Variants in TRHDE observed in about 807,000 individuals in gnomAD.
The protein encoded by TRHDE is thyrotropin releasing hormone degrading enzyme.
In TRHDE, 72 loss-of-function variants were observed where a neutral mutation model predicts 125.7. The ratio of observed to expected loss-of-function variants is 0.57; its 90% confidence interval spans 0.47 to 0.70. The LOEUF (loss-of-function observed/expected upper bound fraction) is 0.70. Among genes scored for constraint, TRHDE ranks in the 30% least tolerant of loss-of-function variants. The pLI, the probability that TRHDE is intolerant of heterozygous loss-of-function variation, is 0.00. For missense variants in TRHDE, 1,110 were observed against 1,327.1 expected, an observed-to-expected ratio of 0.84 and a Z score of 2.54; for synonymous variants, 509 against 509.1, an observed-to-expected ratio of 1.00 and a Z score of 0.00.
chr12:72,229,383 A>G (rs999261467), intron 2 of TRHDE, among the ~76,000 whole-genome samples: 1 of 152,160 alleles, frequency 6.6e-6, no homozygotes, highest in Non-Finnish European at 1.5e-5. Context: ...CACGAGAACA[A>G]CATGGGAAAG....
intron 2 of TRHDE, among the ~76,000 whole-genome samples, chr12:72,155,273 G>C (rs1027119437): frequency 6.6e-6 from 1 of 152,042 alleles, no homozygotes; most frequent in African/African-American, 2.4e-5. Flanking sequence ...CTCTGCATTG[G>C]TTATTCTAGT....
intron 2 of TRHDE, among the ~76,000 whole-genome samples, chr12:72,287,505 C>T (rs1349203997): frequency 6.6e-6 from 1 of 151,922 alleles, no homozygotes; most frequent in Non-Finnish European, 1.5e-5. Flanking sequence ...CCTTAGAGAT[C>T]AACACTGTCC....
chr12:72,642,599 GT>G (rs1287293038), intron 15 of TRHDE, among the ~76,000 whole-genome samples: 1 of 152,100 alleles, frequency 6.6e-6, no homozygotes, highest in Non-Finnish European at 1.5e-5. Flanking sequence ...CTAACTCATT[GT>G]TCATGTTTAT....
intron 9 of TRHDE, among the ~76,000 whole-genome samples, chr12:72,564,001 T>G (rs1239574705): frequency 2.0e-5 from 3 of 152,182 alleles, no homozygotes; most frequent in African/African-American, 7.2e-5. Flanking sequence ...AGAATGGAAA[T>G]TGTTCTCCTG....
intron 5 of TRHDE, among the ~76,000 whole-genome samples, chr12:72,493,985 T>C (rs1877796909): frequency 6.6e-6 from 1 of 152,110 alleles, no homozygotes; most frequent in Non-Finnish European, 1.5e-5. Context: ...CTTTGTTCTG[T>C]CCTACTTCTA....
At chr12:72,531,498 T>A (rs747926955) in intron 6 of TRHDE, among the ~76,000 whole-genome samples, 6 of 152,102 alleles carry the variant, frequency 3.9e-5, no homozygotes, top group Non-Finnish European at 8.8e-5. Context: ...TTATACTTCA[T>A]ACTTTTTGTT....
At chr12:72,116,104 T>A (rs1385830896) in intron 2 of TRHDE, among the ~76,000 whole-genome samples, 1 of 152,128 alleles carries the variant, frequency 6.6e-6, no homozygotes, top group East Asian at 1.9e-4. Context: ...AGTGAGAACA[T>A]TTGGTGTTTG....
chr12:72,645,853 G>A (rs1874258959), intron 15 of TRHDE, among the ~76,000 whole-genome samples: 1 of 151,924 alleles, frequency 6.6e-6, no homozygotes, highest in Admixed American at 6.6e-5. Flanking sequence ...TGTCAACCAA[G>A]AAAACTATAC....
intron 2 of TRHDE, among the ~76,000 whole-genome samples, chr12:72,194,807 CTT>C (rs1877407654): frequency 1.3e-5 from 2 of 152,036 alleles, no homozygotes; most frequent in South Asian, 2.1e-4. Flanking sequence ...GACTCTATGT[CTT>C]TGCTATTGTG....
chr12:72,263,937 G>T (rs1879009215), intron 2 of TRHDE: 2 of 151,842 alleles, frequency 1.3e-5, no homozygotes, highest in South Asian at 4.2e-4. Flanking sequence ...CTCTTAATAG[G>T]GCAGGAGGAG....
intron 2 of TRHDE, among the ~76,000 whole-genome samples, chr12:72,289,987 C>T (rs936954589): frequency 4.6e-5 from 7 of 152,064 alleles, no homozygotes; most frequent in Admixed American, 6.5e-5. Context: ...TAGGACTGTG[C>T]GTAGGAAAAA....
chr12:72,201,351 A>G (rs1877555752), intron 2 of TRHDE, among the ~76,000 whole-genome samples: 1 of 152,184 alleles, frequency 6.6e-6, no homozygotes, highest in East Asian at 1.9e-4. Context: ...GAGAGATATC[A>G]AAAAAATAAA....
At chr12:72,615,506 G>A (rs147249245) in intron 12 of TRHDE, among the ~76,000 whole-genome samples, 9 of 152,158 alleles carry the variant, frequency 5.9e-5, no homozygotes, top group African/African-American at 1.9e-4. Context: ...CTAGGTAACC[G>A]ATACACCAAC....
chr12:72,384,833 C>T (rs1052654600), intron 3 of TRHDE, among the ~76,000 whole-genome samples: 7 of 151,956 alleles, frequency 4.6e-5, no homozygotes, highest in Non-Finnish European at 7.4e-5. Context: ...TGATAATTTA[C>T]TACTTGCAAA....
At chr12:72,418,553 T>C (rs1406938579) in intron 3 of TRHDE, among the ~76,000 whole-genome samples, 2 of 151,986 alleles carry the variant, frequency 1.3e-5, no homozygotes, top group Non-Finnish European at 2.9e-5. Context: ...TAAATTGATT[T>C]CCCCATCTTT....
At chr12:72,567,659 A>G (rs929138278) in intron 9 of TRHDE, among the ~76,000 whole-genome samples, 2 of 151,976 alleles carry the variant, frequency 1.3e-5, no homozygotes, top group Admixed American at 6.6e-5. Context: ...CTTGTCTTAC[A>G]TTTCTAAAAC....
At chr12:72,618,644 C>T (rs1172274343) in intron 12 of TRHDE, among the ~76,000 whole-genome samples, 1 of 152,032 alleles carries the variant, frequency 6.6e-6, no homozygotes, top group Non-Finnish European at 1.5e-5. Flanking sequence ...TAATTCCTTA[C>T]TTTTAAAAAA....
At chr12:72,219,096 C>G (rs1391088497) in intron 2 of TRHDE, among the ~76,000 whole-genome samples, 1 of 151,744 alleles carries the variant, frequency 6.6e-6, no homozygotes, top group Non-Finnish European at 1.5e-5. Context: ...TTAGTCCTCC[C>G]TAGTTTCTTC....
intron 3 of TRHDE, among the ~76,000 whole-genome samples, chr12:72,445,174 T>C (rs1875216934): frequency 6.6e-6 from 1 of 151,870 alleles, no homozygotes; most frequent in Non-Finnish European, 1.5e-5. Flanking sequence ...GGATTTTTTT[T>C]TTCAAATTGC....
Sources: gnomAD v4.1 joint callset for allele counts (sites outside exome capture counted in the v4.1 genomes callset) on GRCh38, gnomAD v4.1.1 for gene constraint, MANE v1.5 for transcripts, NCBI Gene and HGNC (gene_info 2026-07-23, HGNC 2026-07-21) for gene names.